EXOC6: variants seen among roughly 807,000 people sequenced by gnomAD.
The protein encoded by EXOC6 is SEC15-like 1.
A neutral mutation model predicts 112.5 loss-of-function variants in EXOC6; 60 were observed. That is an observed-to-expected ratio of 0.53 (90% confidence interval 0.43 to 0.66). EXOC6 has a LOEUF of 0.66. EXOC6 is among the 30% of genes least tolerant of loss of function. The pLI is 0.00. For synonymous variants in EXOC6, 295 were observed against 308.0 expected, an observed-to-expected ratio of 0.96 and a Z score of 0.44; for missense variants, 855 against 957.1, an observed-to-expected ratio of 0.89 and a Z score of 1.41.
intron 20 of EXOC6, among the ~76,000 whole-genome samples, chr10:93,048,994 A>G (rs1419695960): frequency 1.3e-5 from 2 of 152,150 alleles, no homozygotes; most frequent in Non-Finnish European, 2.9e-5. Flanking sequence ...CTACTCCTAG[A>G]TATATACCCA....
At chr10:92,935,752 A>G in intron 11 of EXOC6, 62 bp from the exon 12 acceptor site, 2 of 1,080,926 alleles carry the variant, frequency 1.9e-6, no homozygotes, top group Middle Eastern at 2.0e-4. Context: ...TTAGTTTTTA[A>G]TCATATGACT....
intron 1 of EXOC6, among the ~76,000 whole-genome samples, chr10:92,887,991 A>G (rs1849311456): frequency 6.6e-6 from 1 of 152,140 alleles, no homozygotes; most frequent in South Asian, 2.1e-4. Flanking sequence ...AGTACAGCTT[A>G]TGTGCATGTC....
chr10:92,907,397 G>A (rs1008428361), intron 5 of EXOC6, among the ~76,000 whole-genome samples: 14 of 152,140 alleles, frequency 9.2e-5, no homozygotes, highest in South Asian at 4.1e-4. Flanking sequence ...TGGGTTGTGC[G>A]TATATGGGCG....
At chr10:92,878,921 G>T (rs1016413086) in intron 1 of EXOC6, among the ~76,000 whole-genome samples, 3 of 152,042 alleles carry the variant, frequency 2.0e-5, no homozygotes, top group African/African-American at 7.2e-5. Flanking sequence ...ACAAACTGAG[G>T]CCACTTGTTA....
intron 8 of EXOC6, among the ~76,000 whole-genome samples, chr10:92,926,337 A>C (rs1406093642): frequency 6.6e-6 from 1 of 151,998 alleles, no homozygotes; most frequent in Non-Finnish European, 1.5e-5. Flanking sequence ...ATATTAGACA[A>C]TGTTTTTTAA....
At chr10:92,897,167 A>G (rs542311776) in intron 4 of EXOC6, among the ~76,000 whole-genome samples, 60 of 152,300 alleles carry the variant, frequency 3.9e-4, no homozygotes, top group African/African-American at 1.3e-3. Flanking sequence ...AATTCAGCTT[A>G]TTCCCCTACT....
At position 92,915,923 on chromosome 10, in the gene EXOC6, G is replaced by GTCTT. The variant is rs760799706; in HGVS notation, c.819+20_819+23dup. ...TGAGAATGAAGAAGAGGTGATAGGT[G>GTCTT]TCTTTCTTTCTTTTCTATTATTAGA... On this transcript the variant is annotated intron_variant, in intron 7 of 21. Coordinates refer to ENST00000260762, the MANE Select transcript of EXOC6 (RefSeq NM_019053.6). The GTCTT allele has an allele frequency of 3.3e-6, 5 of 1,505,982 alleles. No homozygotes were observed. In the African/African-American group the frequency reaches 7.4e-5, roughly 22 times the overall value. The allele number at this position is 1,505,982 out of a possible 1,614,324, so 93.3% of individuals were successfully genotyped here.
In EXOC6 at chr10:92,893,499, G is replaced by T. The variant is rs1849605770; in HGVS notation, c.252G>T (p.Arg84Ser). The T allele has an allele frequency of 6.3e-7, 1 of 1,598,240 alleles. No homozygotes were observed. The highest frequency in any genetic ancestry group is 8.5e-7 in the Non-Finnish European group (1 of 1,174,134). Residue 84 changes from arginine to serine, a missense_variant, in exon 2 of 22, where the codon AGG becomes AGT. This residue lies in a region of EXOC6 where 405 missense variants were observed against 393.6 expected (regional missense o/e 1.03). Coordinates refer to ENST00000260762, the MANE Select transcript of EXOC6 (RefSeq NM_019053.6). ...CTATTACAGAACTCCTTAAAGTAAG[G>T]ACTGATGCAGAAAAACTGAAGGTAA... ...VDAITELLKV[R>S]TDAEKLKVQV...
chr10:92,903,608 G>A (rs1850293836), intron 5 of EXOC6, among the ~76,000 whole-genome samples: 1 of 151,870 alleles, frequency 6.6e-6, no homozygotes, highest in African/African-American at 2.4e-5. Context: ...TTTGTGAAGT[G>A]TCTGTTCACA....
intron 19 of EXOC6, chr10:92,999,102 C>T: frequency 3.1e-6 from 1 of 322,212 alleles, no homozygotes; most frequent in Non-Finnish European, 5.8e-6. Context: ...AAACTCCTGG[C>T]CTCAAGTGAT....
Position 92,997,539 on chromosome 10 carries a change from G to C in EXOC6, c.2019G>C (p.Met673Ile). Residue 673 changes from methionine (M) to isoleucine (I), a missense_variant, in exon 19 of 22, where the codon ATG becomes ATC. Around this residue, in one of 2 missense-constraint regions of EXOC6, gnomAD observed 450 missense variants for 563.5 expected, o/e 0.80. Coordinates refer to ENST00000260762, the MANE Select transcript of EXOC6 (RefSeq NM_019053.6). ...CQHLSTSLMQMLLDSELKQIS... is the reference protein window; with the variant it reads ...CQHLSTSLMQILLDSELKQIS... The stretch of plus-strand genomic sequence containing the variant: ...ATCTGTCAACATCCTTAATGCAGAT[G>C]CTACTGGACAGTGAGTTAAAACAAA... 1 of 1,613,540 alleles carries C rather than the reference G, an allele frequency of 6.2e-7. No individual in the cohort carries two copies. Among genetic ancestry groups the C allele is most frequent in the South Asian group, 1.1e-5 (1 of 90,982 alleles).
chr10:92,898,978 T>G (rs78682843), intron 4 of EXOC6, among the ~76,000 whole-genome samples: 127 of 152,304 alleles, frequency 8.3e-4, no homozygotes, highest in African/African-American at 3.0e-3. Flanking sequence ...AAAGAATAAT[T>G]TATTGAATAA....
chr10:92,885,617 T>C lies in EXOC6; in HGVS notation c.102-7732T>C, dbSNP rs147348325. 9.9e-5 allele frequency among the ~76,000 whole-genome samples: 15 copies of C among 152,214 alleles called. No homozygotes were observed. The East Asian group carries it at 2.3e-3, about 23-fold the overall frequency. ...TGGTCTGGAACTCCTGACCTTGTGA[T>C]CCACCCACCTAAGCCTCCCAAAGTG... On this transcript the variant is annotated intron_variant, in intron 1 of 21. Transcript: ENST00000260762.
Position 93,013,595 on chromosome 10 carries a change from G to A in EXOC6, c.2096-599G>A, listed in dbSNP as rs557551395. 1.4e-3 allele frequency among the ~76,000 whole-genome samples: 217 copies of A among 152,242 alleles called. 2 individuals carry two copies. The highest frequency in any genetic ancestry group is 2.5e-3 in the Non-Finnish European group (170 of 68,008). On this transcript the variant is annotated intron_variant, in intron 19 of 21. Coordinates refer to ENST00000260762, the MANE Select transcript of EXOC6 (RefSeq NM_019053.6). Reference sequence around the variant, plus strand: ...TGCACTCCAGCCTGGGTGACAGAATGAGACTCCGTCTCAAAAAAAATAAAA... The same window carrying A: ...TGCACTCCAGCCTGGGTGACAGAATAAGACTCCGTCTCAAAAAAAATAAAA...
intron 1 of EXOC6, among the ~76,000 whole-genome samples, chr10:92,888,124 C>A (rs1454155759): frequency 6.6e-6 from 1 of 152,104 alleles, no homozygotes; most frequent in Non-Finnish European, 1.5e-5. Flanking sequence ...TTATTTCTTT[C>A]ATTGGAACTT....
In EXOC6 at chr10:93,025,769, G is replaced by A. The variant is rs1432391006; in HGVS notation, c.2169+11502G>A. ...TTTTATTAAAGTACATTATGCATTC[G>A]GGCAAATCATATGTATACTGCTGCT... is the stretch of plus-strand genomic sequence containing the variant. On this transcript the variant is annotated intron_variant, in intron 20 of 21. Transcript: ENST00000260762. Among the ~76,000 whole-genome samples the A allele has an allele frequency of 3.9e-5, 6 of 151,966 alleles. No individual in the cohort carries two copies. In the South Asian group the frequency reaches 1.0e-3, roughly 26 times the overall value.
chr10:93,031,926 A>T (rs1435012530), intron 20 of EXOC6, among the ~76,000 whole-genome samples: 1 of 152,210 alleles, frequency 6.6e-6, no homozygotes, highest in Admixed American at 6.5e-5. Flanking sequence ...TTTCACGATA[A>T]ATTGTTAAGT....
chr10:92,862,919 G>A (rs74544198), intron 1 of EXOC6, among the ~76,000 whole-genome samples: 1,630 of 152,214 alleles, frequency 0.011, 33 homozygotes, highest in African/African-American at 0.037. Context: ...TGGTAATTCT[G>A]TATTTAACTT....
At position 92,898,445 on chromosome 10, in the gene EXOC6, A is replaced by AT. The variant is rs1849955403; in HGVS notation, c.413-1153dup. 2.1e-5 allele frequency among the ~76,000 whole-genome samples: 3 copies of AT among 143,470 alleles called. No homozygotes were observed. In the Admixed American group the frequency reaches 2.1e-4, roughly 10 times the overall value. 94.1% of individuals were successfully genotyped at this position (143,470 alleles called of 152,430 possible). A position where few individuals can be genotyped will look rare whatever the true frequency, so the allele number is the denominator to read the frequency against. The stretch of plus-strand genomic sequence containing the variant: ...ACCTTGTCTCAAAAAAAAAAAAAAA[A>AT]TCACGGCATAAACAATGCATTTATT... On this transcript the variant is annotated intron_variant, in intron 4 of 21. Coordinates refer to ENST00000260762, the MANE Select transcript of EXOC6 (RefSeq NM_019053.6).
Sources: allele counts gnomAD v4.1 joint callset (sites outside exome capture counted in the v4.1 genomes callset), GRCh38; gene constraint gnomAD v4.1.1; regional missense constraint gnomAD v4.1.1; transcripts MANE v1.5; gene names NCBI Gene and HGNC (gene_info 2026-07-23, HGNC 2026-07-21).